The following OGFRL1 variants were observed in gnomAD, a reference collection of about 807,000 sequenced individuals.
OGFRL1 encodes opioid growth factor receptor-like protein 1.
In OGFRL1, 26 loss-of-function variants were observed where a neutral mutation model predicts 32.4. The ratio of observed to expected loss-of-function variants is 0.80; its 90% CI spans 0.59 to 1.11. The LOEUF (loss-of-function observed/expected upper bound fraction) is 1.11, where lower values mean the gene tolerates loss of function less well. Ranked by LOEUF, OGFRL1 falls within the 50% of genes most tolerant of loss-of-function variation. OGFRL1 has a pLI of 0.00. For synonymous variants in OGFRL1, 211 were observed against 201.2 expected, an observed-to-expected ratio of 1.05 and a Z score of -0.41; for missense variants, 521 against 546.4, an observed-to-expected ratio of 0.95 and a Z score of 0.46.
At chr6:71,290,038 C>T (rs1765999693) in intron 1 of OGFRL1, among the ~76,000 whole-genome samples, 1 of 152,122 alleles carries the variant, frequency 6.6e-6, no homozygotes, top group African/African-American at 2.4e-5. Flanking sequence ...GAATCATAAC[C>T]TAAATATTAC....
At chr6:71,295,331 C>T (rs187568057) in intron 3 of OGFRL1, 2 of 152,252 alleles carry the variant, frequency 1.3e-5, no homozygotes, top group East Asian at 3.9e-4. Context: ...TGGGCCTCTA[C>T]TACAAACTGG....
chr6:71,302,175 C>A lies in OGFRL1; in HGVS notation c.*126C>A. On this transcript the variant is annotated 3_prime_UTR_variant, in exon 7 of 7. Coordinates refer to ENST00000370435, the MANE Select transcript of OGFRL1 (RefSeq NM_024576.5). ...ATCTGTTTGTGATTTCTGTCATAAG[C>A]ATTTTGTTGTTTGTTTTTTTATTTT... is the stretch of plus-strand genomic sequence containing the variant. 1 of 771,332 alleles carries A rather than the reference C, an allele frequency of 1.3e-6. No individual in the cohort carries two copies. The highest frequency in any genetic ancestry group is 1.9e-6 in the Non-Finnish European group (1 of 528,584). The allele number at this position is 771,332 out of a possible 1,614,324, so 47.8% of individuals were successfully genotyped here.
rs1403606131 is a variant in OGFRL1 at position 71,305,390 on chromosome 6, T to C, written c.*3341T>C. On this transcript the variant is annotated 3_prime_UTR_variant, in exon 7 of 7. Transcript: ENST00000370435. ...TAACATGAAGAATATTGTACCATTA[T>C]ACATTTTCATTCTCGATCTCATAAG... 1 of 152,116 alleles carries C rather than the reference T, an allele frequency of 6.6e-6. No homozygotes were observed. The highest frequency in any genetic ancestry group is 1.5e-5 in the Non-Finnish European group (1 of 67,936). 9.4% of individuals were successfully genotyped at this position (152,116 alleles called of 1,614,324 possible). A position where few individuals can be genotyped will look rare whatever the true frequency, so the allele number is the denominator to read the frequency against.
intron 1 of OGFRL1, 24 bp downstream of exon 1, chr6:71,289,194 G>C: frequency 1.9e-6 from 2 of 1,062,720 alleles, no homozygotes; most frequent in Non-Finnish European, 2.3e-6. Context: ...CGGTGGCCTC[G>C]GGTCGGGCTG....
intron 1 of OGFRL1, among the ~76,000 whole-genome samples, chr6:71,291,065 C>T (rs1196711373): frequency 6.6e-6 from 1 of 152,028 alleles, no homozygotes; most frequent in African/African-American, 2.4e-5. Context: ...CCTTAGGCAC[C>T]CCTCCATTTA....
rs1561953338 is a variant in OGFRL1 at position 71,303,400 on chromosome 6, TG to T, written c.*1352del. 6.6e-6 allele frequency: 1 copy of T among 152,216 alleles called. No homozygotes were observed. The highest frequency in any genetic ancestry group is 2.4e-5 in the African/African-American group (1 of 41,448). 9.4% of individuals were successfully genotyped at this position (152,216 alleles called of 1,614,324 possible). A position where few individuals can be genotyped will look rare whatever the true frequency, so the allele number is the denominator to read the frequency against. On this transcript the variant is annotated 3_prime_UTR_variant, in exon 7 of 7. Transcript: ENST00000370435. ...ATTGTATGACTTCAAGATTTTGCTT[TG>T]TTTAAATTAATAACTGTTTTCAGAA...
rs553931359 is a variant in OGFRL1, at chr6:71,297,056, T to C, written c.692+239T>C. On this transcript the variant is annotated intron_variant, in intron 6 of 6. Transcript: ENST00000370435. The stretch of plus-strand genomic sequence containing the variant: ...ATTCAGCTTCAGACCTGTTTCTCCC[T>C]GAAACCTTCCTATTGCCCACAGCCA... Among the ~76,000 whole-genome samples, 3 of 149,112 alleles carry C rather than the reference T, an allele frequency of 2.0e-5. No homozygotes were observed. The South Asian group carries it at 6.4e-4, about 32-fold the overall frequency.
rs1765942155 is a variant in OGFRL1 at position 71,288,845 on chromosome 6, C to G, written c.-92C>G. On this transcript the variant is annotated 5_prime_UTR_variant, in exon 1 of 7. Transcript: ENST00000370435. ...CGGGCGCGCCTAGGCTGCCGCCCAGCGCCCTCGCCGCGGCCATGCCCGGGC... is the reference window on the plus strand; with the variant it reads ...CGGGCGCGCCTAGGCTGCCGCCCAGGGCCCTCGCCGCGGCCATGCCCGGGC... 1.1e-6 allele frequency: 1 copy of G among 946,858 alleles called. No individual in the cohort carries two copies. The highest frequency in any genetic ancestry group is 4.7e-5 in the South Asian group (1 of 21,368). 58.7% of individuals were successfully genotyped at this position (946,858 alleles called of 1,614,324 possible).
At chr6:71,301,355 C>A in intron 6 of OGFRL1, 31 bp from the exon 7 acceptor site, 1 of 1,506,930 alleles carries the variant, frequency 6.6e-7, no homozygotes. Context: ...CCTGATTTCC[C>A]CCACTCATTT....
At position 71,307,357 on chromosome 6, in the gene OGFRL1, A is replaced by C. The variant is rs1766583840; in HGVS notation, c.*5308A>C. The stretch of plus-strand genomic sequence containing the variant: ...ATCATGGACTCCATACACAATTTTG[A>C]TGGGTATCAGTTCTCATAAAATACC... On this transcript the variant is annotated 3_prime_UTR_variant, in exon 7 of 7. Coordinates refer to ENST00000370435, the MANE Select transcript of OGFRL1 (RefSeq NM_024576.5). The C allele has an allele frequency of 6.6e-6, 1 of 152,152 alleles. No homozygotes were observed. The highest frequency in any genetic ancestry group is 2.4e-5 in the African/African-American group (1 of 41,436). The allele number at this position is 152,152 out of a possible 1,614,324, so 9.4% of individuals were successfully genotyped here. A position where few individuals can be genotyped will look rare whatever the true frequency, so the allele number is the denominator to read the frequency against.
chr6:71,289,897 C>A (rs1464020677), intron 1 of OGFRL1: 2 of 864,986 alleles, frequency 2.3e-6, no homozygotes, highest in Non-Finnish European at 2.8e-6. Context: ...AGCCGACCCC[C>A]TGAAGAAGTG....
intron 6 of OGFRL1, among the ~76,000 whole-genome samples, chr6:71,298,751 T>C (rs900748124): frequency 6.6e-6 from 1 of 152,198 alleles, no homozygotes; most frequent in African/African-American, 2.4e-5. Context: ...TCTAGTTTAG[T>C]TGCAAAAAAT....
chr6:71,294,070 A>G (rs1582551951), intron 3 of OGFRL1, among the ~76,000 whole-genome samples: 1 of 152,222 alleles, frequency 6.6e-6, no homozygotes, highest in Non-Finnish European at 1.5e-5. Flanking sequence ...CAGATTCAGT[A>G]TCAGCAATCT....
At position 71,301,892 on chromosome 6, in the gene OGFRL1, C is replaced by T; in HGVS notation, c.1199C>T (p.Ala400Val). The part of the protein sequence containing the change: ...KPRNTEKDSN[A>V]ENMNSQPEKT... ...AGAAATACAGAGAAGGACAGTAATGCTGAGAACATGAATTCTCAACCTGAG... is the reference window on the plus strand; with the variant it reads ...AGAAATACAGAGAAGGACAGTAATGTTGAGAACATGAATTCTCAACCTGAG... The change falls in exon 7 of 7, where the codon GCT becomes GTT. Residue 400 changes from alanine to valine, a missense_variant. Ala to Val is a moderately conservative substitution (Grantham distance 64, BLOSUM62 0). Transcript: ENST00000370435. 1.2e-6 allele frequency: 2 copies of T among 1,614,004 alleles called. No homozygotes were observed. The highest frequency in any genetic ancestry group is 2.2e-5 in the East Asian group (1 of 44,886).
chr6:71,299,838 T>A (rs1046927270), intron 6 of OGFRL1, among the ~76,000 whole-genome samples: 3 of 152,232 alleles, frequency 2.0e-5, no homozygotes, highest in Non-Finnish European at 4.4e-5. Flanking sequence ...CTGTGCTGCA[T>A]TTTACCCTCT....
rs1382779073 is a variant in OGFRL1 at position 71,288,866 on chromosome 6, C to A, written c.-71C>A. 5.5e-6 allele frequency: 6 copies of A among 1,088,740 alleles called. No individual in the cohort carries two copies. The highest frequency in any genetic ancestry group is 6.7e-6 in the Non-Finnish European group (6 of 892,192). The allele number at this position is 1,088,740 out of a possible 1,614,324, so 67.4% of individuals were successfully genotyped here. ...CCAGCGCCCTCGCCGCGGCCATGCC[C>A]GGGCCCTAGAGCGCCTGCCGCAGCT... On this transcript the variant is annotated 5_prime_UTR_variant, in exon 1 of 7. Transcript: ENST00000370435.
rs1293426577 is a variant in OGFRL1, at chr6:71,307,943, TGA to T, written c.*5895_*5896del. On this transcript the variant is annotated 3_prime_UTR_variant, in exon 7 of 7. Coordinates refer to ENST00000370435, the MANE Select transcript of OGFRL1 (RefSeq NM_024576.5). ...AGAATTATTGGAAGCAGGTGACGAA[TGA>T]TTAAGAAAAGCTTTATTGTGGGGAC... The T allele has an allele frequency of 6.6e-6, 1 of 152,226 alleles. No homozygotes were observed. Among genetic ancestry groups the T allele is most frequent in the Non-Finnish European group, 1.5e-5 (1 of 68,046 alleles). 9.4% of individuals were successfully genotyped at this position (152,226 alleles called of 1,614,324 possible). A position where few individuals can be genotyped will look rare whatever the true frequency, so the allele number is the denominator to read the frequency against.
Position 71,288,882 on chromosome 6 carries a change from T to C in OGFRL1, c.-55T>C. ...GGCCATGCCCGGGCCCTAGAGCGCC[T>C]GCCGCAGCTTGCGCCCCGCAGCCCC... On this transcript the variant is annotated 5_prime_UTR_variant, in exon 1 of 7. Coordinates refer to ENST00000370435, the MANE Select transcript of OGFRL1 (RefSeq NM_024576.5). The C allele has an allele frequency of 1.7e-6, 2 of 1,196,332 alleles. No homozygotes were observed. The highest frequency in any genetic ancestry group is 3.5e-5 in the Admixed American group (1 of 28,730). The allele number at this position is 1,196,332 out of a possible 1,614,324, so 74.1% of individuals were successfully genotyped here. A position where few individuals can be genotyped will look rare whatever the true frequency, so the allele number is the denominator to read the frequency against.
At position 71,307,487 on chromosome 6, in the gene OGFRL1, G is replaced by GTT. The variant is rs1377641782; in HGVS notation, c.*5444_*5445dup. The GTT allele has an allele frequency of 6.6e-6, 1 of 151,994 alleles. No homozygotes were observed. The highest frequency in any genetic ancestry group is 6.6e-5 in the Admixed American group (1 of 15,254). 9.4% of individuals were successfully genotyped at this position (151,994 alleles called of 1,614,324 possible). ...GATCTTGGGAATCATTGAAATATGA[G>GTT]TTTTTTTCCCTCACTCCTATTTATT... is the stretch of plus-strand genomic sequence containing the variant. On this transcript the variant is annotated 3_prime_UTR_variant, in exon 7 of 7. Transcript: ENST00000370435.
Sources: gnomAD v4.1 joint callset for allele counts (sites outside exome capture counted in the v4.1 genomes callset) on GRCh38, gnomAD v4.1.1 for gene constraint, MANE v1.5 for transcripts, NCBI Gene and HGNC (gene_info 2026-07-23, HGNC 2026-07-21) for gene names.